Variants in CSMD1 observed in about 807,000 individuals in gnomAD.
CSMD1 encodes the protein CUB and Sushi multiple domains 1, also known as CUB and sushi domain-containing protein 1.
Under a neutral mutation model 417.5 loss-of-function variants are expected in CSMD1, and 213 were observed. The ratio of observed to expected loss-of-function variants is 0.51; its 90% confidence interval spans 0.46 to 0.57. The LOEUF (loss-of-function observed/expected upper bound fraction) is 0.57. Among genes scored for constraint, CSMD1 ranks in the 20% least tolerant of loss-of-function variants. The pLI, the probability that CSMD1 is intolerant of heterozygous loss-of-function variation, is 0.00. For missense variants in CSMD1, 6,923 were observed against 4,529.7 expected (o/e 1.53, Z -15.17); for synonymous variants, 2,862 against 1,736.8 (o/e 1.65, Z -16.11).
intron 3 of CSMD1, among the ~76,000 whole-genome samples, chr8:4,227,344 A>G (rs536408119): frequency 1.3e-5 from 2 of 152,208 alleles, no homozygotes; most frequent in South Asian, 4.1e-4. Flanking sequence ...TGCCTGTCCT[A>G]ATAAGAGGTC....
intron 10 of CSMD1, among the ~76,000 whole-genome samples, chr8:3,518,373 T>G (rs545344378): frequency 1.5e-4 from 23 of 152,312 alleles, no homozygotes; most frequent in African/African-American, 5.5e-4. Flanking sequence ...AAACAACCAT[T>G]TAATTGTAAA....
chr8:4,274,577 A>T (rs565324268), intron 3 of CSMD1, among the ~76,000 whole-genome samples: 8 of 152,294 alleles, frequency 5.3e-5, no homozygotes, highest in South Asian at 4.1e-4. Context: ...TGTTCTTTAA[A>T]TTATATCTAT....
chr8:3,519,949 G>A (rs574999651), intron 10 of CSMD1, among the ~76,000 whole-genome samples: 8 of 150,602 alleles, frequency 5.3e-5, no homozygotes, highest in East Asian at 3.9e-4. Flanking sequence ...ATATAATTTC[G>A]CTGAAAGTCA....
At chr8:3,554,918 C>A (rs534725067) in intron 10 of CSMD1, among the ~76,000 whole-genome samples, 1 of 152,084 alleles carries the variant, frequency 6.6e-6, no homozygotes, top group African/African-American at 2.4e-5. Flanking sequence ...ACCTGGCAAG[C>A]AGCCACACAG....
intron 2 of CSMD1, among the ~76,000 whole-genome samples, chr8:4,615,856 T>C (rs1801444575): frequency 6.6e-6 from 1 of 152,188 alleles, no homozygotes; most frequent in African/African-American, 2.4e-5. Context: ...ATATTATTCT[T>C]TCAAAAGCAT....
At chr8:4,839,638 C>T (rs1397293021) in intron 1 of CSMD1, among the ~76,000 whole-genome samples, 2 of 152,142 alleles carry the variant, frequency 1.3e-5, no homozygotes, top group Non-Finnish European at 2.9e-5. Flanking sequence ...ACTTGTTCCT[C>T]ACACATGGTT....
chr8:4,663,353 A>G (rs908949019), intron 1 of CSMD1, among the ~76,000 whole-genome samples: 1 of 152,190 alleles, frequency 6.6e-6, no homozygotes, highest in African/African-American at 2.4e-5. Context: ...CGTAGAATCT[A>G]CAGGTATTTC....
intron 1 of CSMD1, among the ~76,000 whole-genome samples, chr8:4,871,562 C>G (rs898034758): frequency 3.9e-5 from 6 of 152,142 alleles, no homozygotes; most frequent in East Asian, 3.9e-4. Context: ...TTATGTTTTG[C>G]TTTTATTATT....
At chr8:4,190,044 G>A (rs1647308) in intron 3 of CSMD1, among the ~76,000 whole-genome samples, 1 of 151,642 alleles carries the variant, frequency 6.6e-6, no homozygotes, top group Admixed American at 6.6e-5. Context: ...AGAACACGAG[G>A]TCAGGAGATC....
At chr8:4,951,923 A>T (rs1808777198) in intron 1 of CSMD1, among the ~76,000 whole-genome samples, 1 of 151,660 alleles carries the variant, frequency 6.6e-6, no homozygotes, top group Non-Finnish European at 1.5e-5. Flanking sequence ...TTTAGAAAAA[A>T]AAATTATTTT....
At chr8:3,236,514 T>C (rs1164983036) in intron 26 of CSMD1, among the ~76,000 whole-genome samples, 4 of 152,178 alleles carry the variant, frequency 2.6e-5, no homozygotes, top group Non-Finnish European at 5.9e-5. Context: ...TTTCATTTTA[T>C]TTTCCTCTAG....
intron 26 of CSMD1, among the ~76,000 whole-genome samples, chr8:3,268,760 C>T (rs975949752): frequency 2.6e-5 from 4 of 152,146 alleles, no homozygotes; most frequent in African/African-American, 7.2e-5. Context: ...CTACCTACTC[C>T]TGTGTTGATT....
chr8:2,946,187 C>T (rs1028168268), intron 68 of CSMD1, among the ~76,000 whole-genome samples: 1 of 152,156 alleles, frequency 6.6e-6, no homozygotes, highest in Admixed American at 6.5e-5. Flanking sequence ...TATGGGGTCA[C>T]TGGTGCATAT....
chr8:4,721,877 T>C (rs1428336045), intron 1 of CSMD1, among the ~76,000 whole-genome samples: 1 of 152,092 alleles, frequency 6.6e-6, no homozygotes, highest in Non-Finnish European at 1.5e-5. Context: ...TGTGAAAACA[T>C]GGATGAAACT....
At chr8:4,460,230 T>G (rs1799730927) in intron 2 of CSMD1, among the ~76,000 whole-genome samples, 1 of 152,082 alleles carries the variant, frequency 6.6e-6, no homozygotes, top group Non-Finnish European at 1.5e-5. Context: ...TTAAAAAAAT[T>G]TCTAAAAACC....
intron 3 of CSMD1, among the ~76,000 whole-genome samples, chr8:4,223,094 C>T (rs763457401): frequency 7.2e-5 from 11 of 152,136 alleles, no homozygotes; most frequent in Non-Finnish European, 1.5e-5. Context: ...CCCTCCCGCC[C>T]TGCCCTGAGC....
chr8:3,493,945 C>A (rs984482049), intron 10 of CSMD1, among the ~76,000 whole-genome samples: 1 of 152,174 alleles, frequency 6.6e-6, no homozygotes, highest in African/African-American at 2.4e-5. Flanking sequence ...TTACTCCCAA[C>A]TTATGTATTT....
At chr8:4,082,351 G>A (rs1281025978) in intron 3 of CSMD1, among the ~76,000 whole-genome samples, 1 of 152,142 alleles carries the variant, frequency 6.6e-6, no homozygotes, top group Admixed American at 6.5e-5. Flanking sequence ...TAAAATGACA[G>A]GCCCAGATGG....
At chr8:4,738,836 A>G (rs1275969352) in intron 1 of CSMD1, among the ~76,000 whole-genome samples, 6 of 151,988 alleles carry the variant, frequency 3.9e-5, no homozygotes, top group Admixed American at 2.0e-4. Flanking sequence ...GGAGAATAGA[A>G]AAAATACACA....
Sources: gnomAD v4.1 joint callset for allele counts (sites outside exome capture counted in the v4.1 genomes callset) on GRCh38, gnomAD v4.1.1 for gene constraint, MANE v1.5 for transcripts, NCBI Gene and HGNC (gene_info 2026-07-23, HGNC 2026-07-21) for gene names.